Variants in ELAVL1 observed in about 807,000 individuals in gnomAD.
ELAVL1 encodes the protein ELAV-like protein 1.
Under a neutral mutation model 28.4 loss-of-function variants are expected in ELAVL1, and 1 was observed. The observed-to-expected ratio is 0.04, with a 90% CI of 0.01 to 0.17. ELAVL1 has a LOEUF of 0.17. Among genes scored for constraint, ELAVL1 ranks in the 10% least tolerant of loss-of-function variants. The pLI is 1.00. For synonymous variants in ELAVL1, 174 were observed against 183.5 expected (o/e 0.95, Z 0.42); for missense variants, 157 against 447.2 (o/e 0.35, Z 5.85).
rs759571661 is a variant in ELAVL1 at position 7,981,230 on chromosome 19, G to A, written c.173-44C>T. ...AGACATTGGTAAGCCAACCGTCTGC[G>A]AGTGAGGGACAGGGAGGTCGGGAAG... On this transcript the variant is annotated intron_variant, in intron 2 of 5. Transcript: ENST00000407627. The surrounding 1 kb of genome is among the most constrained non-coding windows in gnomAD (Gnocchi z 4.2). 1.3e-5 allele frequency: 21 copies of A among 1,600,278 alleles called. No homozygotes were observed. Among genetic ancestry groups the A allele is most frequent in the Middle Eastern group, 1.7e-4 (1 of 6,046 alleles).
At chr19:8,004,118 G>A (rs1432363479) in intron 1 of ELAVL1, among the ~76,000 whole-genome samples, 1 of 152,144 alleles carries the variant, frequency 6.6e-6, no homozygotes, top group Non-Finnish European at 1.5e-5. Flanking sequence ...CTGCCTCAAG[G>A]ACTGCAGACA....
chr19:7,968,749 C>T (rs375034774), intron 4 of ELAVL1, among the ~76,000 whole-genome samples: 3 of 152,212 alleles, frequency 2.0e-5, no homozygotes, highest in Non-Finnish European at 4.4e-5. Context: ...CTGAGCAAGG[C>T]GGGTGGAAGG....
chr19:7,993,173 T>C (rs2145224181), intron 1 of ELAVL1, among the ~76,000 whole-genome samples: 1 of 152,334 alleles, frequency 6.6e-6, no homozygotes, highest in South Asian at 2.1e-4. Flanking sequence ...CTCTAAAAAA[T>C]AGTCTATGGA....
intron 3 of ELAVL1, among the ~76,000 whole-genome samples, chr19:7,976,056 G>A (rs950062250): frequency 6.6e-6 from 1 of 151,162 alleles, no homozygotes; most frequent in South Asian, 2.1e-4. Flanking sequence ...TCACATCACT[G>A]CAGTCCAGCC....
intron 1 of ELAVL1, among the ~76,000 whole-genome samples, chr19:7,992,088 CTG>C: frequency 2.6e-5 from 4 of 151,994 alleles, no homozygotes; most frequent in Admixed American, 2.6e-4. Flanking sequence ...TTACAGGCGT[CTG>C]CCACCATGCC....
intron 1 of ELAVL1, among the ~76,000 whole-genome samples, chr19:8,001,292 G>A (rs1445602491): frequency 3.9e-5 from 6 of 152,074 alleles, no homozygotes; most frequent in Admixed American, 3.9e-4. Flanking sequence ...TCATTTGGTG[G>A]CATAGCCCCA....
chr19:7,970,018 G>C (rs1023268469), intron 4 of ELAVL1, among the ~76,000 whole-genome samples: 1 of 151,968 alleles, frequency 6.6e-6, no homozygotes, highest in Non-Finnish European at 1.5e-5. Context: ...TGTCGCCCAG[G>C]CTGGAGTACA....
chr19:7,968,750 G>A (rs968679322), intron 4 of ELAVL1, among the ~76,000 whole-genome samples: 5 of 152,234 alleles, frequency 3.3e-5, no homozygotes, highest in Non-Finnish European at 7.3e-5. Flanking sequence ...TGAGCAAGGC[G>A]GGTGGAAGGA....
chr19:7,964,435 T>C lies in ELAVL1; in HGVS notation c.657-628A>G, dbSNP rs149326439. ...GGCCAAACCACTGAGGACTGAGAACTCAAGGGACAGGGAAGGGCCCTGGGA... is the reference window on the plus strand; with the variant it reads ...GGCCAAACCACTGAGGACTGAGAACCCAAGGGACAGGGAAGGGCCCTGGGA... On this transcript the variant is annotated intron_variant, in intron 5 of 5. Coordinates refer to ENST00000407627, the MANE Select transcript of ELAVL1 (RefSeq NM_001419.3). 4.0e-3 allele frequency among the ~76,000 whole-genome samples: 601 copies of C among 152,104 alleles called. 2 individuals carry two copies. The highest frequency in any genetic ancestry group is 0.014 in the African/African-American group (565 of 41,484).
intron 3 of ELAVL1, among the ~76,000 whole-genome samples, chr19:7,976,858 T>A (rs553453759): frequency 6.7e-6 from 1 of 148,590 alleles, no homozygotes; most frequent in Non-Finnish European, 1.5e-5. Context: ...TTTTTTTTTT[T>A]AGTTTTTTTT....
chr19:7,994,089 G>A (rs1422413300), intron 1 of ELAVL1, among the ~76,000 whole-genome samples: 1 of 152,202 alleles, frequency 6.6e-6, no homozygotes, highest in Non-Finnish European at 1.5e-5. Context: ...AAAAAAGACT[G>A]AAAAGTGAGA....
intron 1 of ELAVL1, among the ~76,000 whole-genome samples, chr19:8,003,818 C>T (rs1342837905): frequency 6.6e-6 from 1 of 152,116 alleles, no homozygotes; most frequent in African/African-American, 2.4e-5. Context: ...TTGAGACGTT[C>T]GTGTATCTCA....
chr19:7,973,019 G>T (rs1224463537), intron 4 of ELAVL1: 1 of 150,910 alleles, frequency 6.6e-6, no homozygotes, highest in Non-Finnish European at 1.5e-5. Context: ...CACCATGTTG[G>T]CCAGGCTGGT....
rs1050997851 is a variant in ELAVL1, at chr19:7,981,877, C to T, written c.173-691G>A. 2.5e-4 allele frequency among the ~76,000 whole-genome samples: 38 copies of T among 152,178 alleles called. No individual in the cohort carries two copies. The highest frequency in any genetic ancestry group is 8.4e-4 in the African/African-American group (35 of 41,428). ...CCCAGTTTGTGTCACTGCTGTTTCTCTGCCACTTCCTTGTCCAGAGCAGGA... is the reference window on the plus strand; with the variant it reads ...CCCAGTTTGTGTCACTGCTGTTTCTTTGCCACTTCCTTGTCCAGAGCAGGA... On this transcript the variant is annotated intron_variant, in intron 2 of 5. Coordinates refer to ENST00000407627, the MANE Select transcript of ELAVL1 (RefSeq NM_001419.3). The surrounding 1 kb of genome is among the most constrained non-coding windows in gnomAD (Gnocchi z 4.2).
intron 2 of ELAVL1, among the ~76,000 whole-genome samples, chr19:7,991,223 T>TG (rs994306739): frequency 5.3e-5 from 8 of 151,956 alleles, no homozygotes; most frequent in Non-Finnish European, 1.0e-4. Flanking sequence ...TGACCAAGAG[T>TG]GGGGGCCTGG....
intron 1 of ELAVL1, among the ~76,000 whole-genome samples, chr19:7,995,320 TCTC>T (rs1985848669): frequency 6.6e-6 from 1 of 152,206 alleles, no homozygotes; most frequent in Admixed American, 6.5e-5. Context: ...TACCTTTCCT[TCTC>T]CTCGCCCTTT....
At position 7,984,013 on chromosome 19, in the gene ELAVL1, T is replaced by C. The variant is rs114721854; in HGVS notation, c.173-2827A>G. Among the ~76,000 whole-genome samples, 1,485 of 152,134 alleles carry C rather than the reference T, an allele frequency of 9.8e-3. 25 individuals are homozygous for C. Among genetic ancestry groups the C allele is most frequent in the African/African-American group, 0.035 (1,434 of 41,514 alleles). ...CCTCAGGCTCCTCACTCCCTGTCCA[T>C]TCCATGGAGACCCATGGGCCCTGAG... On this transcript the variant is annotated intron_variant, in intron 2 of 5. Coordinates refer to ENST00000407627, the MANE Select transcript of ELAVL1 (RefSeq NM_001419.3).
intron 1 of ELAVL1, among the ~76,000 whole-genome samples, chr19:7,994,230 C>T (rs1985823879): frequency 6.6e-6 from 1 of 151,876 alleles, no homozygotes; most frequent in Non-Finnish European, 1.5e-5. Flanking sequence ...GCCATTCTGC[C>T]CCCAAGGGGA....
chr19:7,981,939 C>T lies in ELAVL1; in HGVS notation c.173-753G>A, dbSNP rs1336509080. 6.6e-6 allele frequency among the ~76,000 whole-genome samples: 1 copy of T among 152,162 alleles called. No individual in the cohort carries two copies. Among genetic ancestry groups the T allele is most frequent in the Non-Finnish European group, 1.5e-5 (1 of 68,036 alleles). The stretch of plus-strand genomic sequence containing the variant: ...CACCACCCACCACCAGTTCCATTTA[C>T]CTTTCCAAGCCTGAGACCAGCCCGA... On this transcript the variant is annotated intron_variant, in intron 2 of 5. Coordinates refer to ENST00000407627, the MANE Select transcript of ELAVL1 (RefSeq NM_001419.3). The surrounding 1 kb of genome is among the most constrained non-coding windows in gnomAD (Gnocchi z 4.2).
Sources: allele counts gnomAD v4.1 joint callset (sites outside exome capture counted in the v4.1 genomes callset), GRCh38; gene constraint gnomAD v4.1.1; non-coding constraint Gnocchi (gnomAD v3.1); transcripts MANE v1.5; gene names NCBI Gene and HGNC (gene_info 2026-07-23, HGNC 2026-07-21).